The following KAT6A variants were observed in gnomAD, a reference collection of about 807,000 sequenced individuals.
The protein encoded by KAT6A is lysine acetyltransferase 6A.
A neutral mutation model predicts 198.4 loss-of-function variants in KAT6A; 9 were observed. That is an observed-to-expected ratio of 0.05 (90% CI 0.03 to 0.08). KAT6A has a LOEUF of 0.08. KAT6A is among the 10% of genes least tolerant of loss of function. KAT6A has a pLI of 1.00. For missense variants in KAT6A, 2,077 were observed against 2,509.9 expected, an observed-to-expected ratio of 0.83 and a Z score of 3.69; for synonymous variants, 890 against 883.0, an observed-to-expected ratio of 1.01 and a Z score of -0.14.
chr8:41,975,006 G>A (rs1459829045), intron 7 of KAT6A, among the ~76,000 whole-genome samples, 184 bp from the exon 8 acceptor site: 2 of 151,904 alleles, frequency 1.3e-5, no homozygotes, highest in East Asian at 1.9e-4. Flanking sequence ...GCCTTATAGT[G>A]GAAATCCTGA....
In KAT6A at chr8:41,940,388, C is replaced by CTAA. The variant is rs533335727; in HGVS notation, c.3039+453_3039+454insTTA. On this transcript the variant is annotated intron_variant, in intron 15 of 16. Coordinates refer to ENST00000265713, the MANE Select transcript of KAT6A (RefSeq NM_006766.5). ...AGCACCCAAGATGAGCTACTGTACTCTGAGTACCCCAAAATATAGGGCAGC... is the reference window on the plus strand; with the variant it reads ...AGCACCCAAGATGAGCTACTGTACTCTAATGAGTACCCCAAAATATAGGGCAGC... Among the ~76,000 whole-genome samples the CTAA allele has an allele frequency of 2.0e-4, 30 of 152,308 alleles. No homozygotes were observed. The East Asian group carries it at 4.8e-3, about 24-fold the overall frequency.
chr8:41,983,069 ACT>A (rs1824439406), intron 3 of KAT6A, among the ~76,000 whole-genome samples: 1 of 152,204 alleles, frequency 6.6e-6, no homozygotes, highest in Non-Finnish European at 1.5e-5. Flanking sequence ...CAGTATTTCT[ACT>A]GTGCTCAGAA....
intron 2 of KAT6A, among the ~76,000 whole-genome samples, chr8:42,020,456 C>T (rs1408631431): frequency 6.6e-6 from 1 of 152,152 alleles, no homozygotes; most frequent in African/African-American, 2.4e-5. Flanking sequence ...TATCAGCTCC[C>T]TGGACTTTCC....
At chr8:42,021,773 A>C (rs1453834486) in intron 2 of KAT6A, among the ~76,000 whole-genome samples, 4 of 152,200 alleles carry the variant, frequency 2.6e-5, no homozygotes, top group African/African-American at 9.7e-5. Flanking sequence ...TCTACTAAAA[A>C]TACAAAAATT....
At chr8:41,995,674 C>CTTTTT (rs10710765) in intron 2 of KAT6A, among the ~76,000 whole-genome samples, 79 of 103,016 alleles carry the variant, frequency 7.7e-4, no homozygotes, top group Non-Finnish European at 1.1e-3. Flanking sequence ...ATTTTCATTT[C>CTTTTT]TTTTTTTTTT....
chr8:41,942,542 A>G lies in KAT6A; in HGVS notation c.2436+251T>C, dbSNP rs1362875117. The G allele has an allele frequency of 1.3e-5, 6 of 466,920 alleles. No individual in the cohort carries two copies. In the Middle Eastern group the frequency reaches 1.7e-3, roughly 132 times the overall value. 28.9% of individuals were successfully genotyped at this position (466,920 alleles called of 1,614,324 possible). On this transcript the variant is annotated intron_variant, in intron 14 of 16. Coordinates refer to ENST00000265713, the MANE Select transcript of KAT6A (RefSeq NM_006766.5). ...TGAGCTGCTTCTTGGCACCCTGGTA[A>G]CAAATATTTTTCTCACAAGTAACAC...
At chr8:42,036,405 G>A (rs914994062) in intron 2 of KAT6A, among the ~76,000 whole-genome samples, 1 of 152,126 alleles carries the variant, frequency 6.6e-6, no homozygotes, top group Non-Finnish European at 1.5e-5. Flanking sequence ...GAGGTCAGGA[G>A]TTCAAGACCA....
intron 8 of KAT6A, among the ~76,000 whole-genome samples, chr8:41,959,683 C>T (rs192343820): frequency 5.3e-5 from 8 of 152,204 alleles, no homozygotes; most frequent in Non-Finnish European, 7.4e-5. Context: ...AATGGTTGGG[C>T]GCTGGTGGCT....
At position 41,947,761 on chromosome 8, in the gene KAT6A, T is replaced by A; in HGVS notation, c.1892A>T (p.Tyr631Phe). The change falls in exon 11 of 17, where the codon TAC (tyrosine) becomes TTC (phenylalanine). Residue 631 changes from tyrosine to phenylalanine, a missense_variant. This residue lies in a region of KAT6A where 127 missense variants were observed against 209.6 expected (regional missense o/e 0.61). Transcript: ENST00000265713. ...AGCTGACATACTTACCTTAGAAAAG[T>A]AGCCAACAAGGTGGCAGCCCTTGAC... ...NDVKGCHLVGYFSKEKHCQQK... is the reference protein window; with the variant it reads ...NDVKGCHLVGFFSKEKHCQQK... The A allele has an allele frequency of 6.3e-7, 1 of 1,590,310 alleles. No homozygotes were observed. Among genetic ancestry groups the A allele is most frequent in the Non-Finnish European group, 8.5e-7 (1 of 1,174,170 alleles).
intron 8 of KAT6A, among the ~76,000 whole-genome samples, chr8:41,961,371 CCCT>C (rs1823194568): frequency 1.3e-5 from 2 of 152,296 alleles, no homozygotes; most frequent in African/African-American, 4.8e-5. Flanking sequence ...CCAGCAGTTC[CCCT>C]CCTATCTTCT....
intron 2 of KAT6A, among the ~76,000 whole-genome samples, chr8:42,003,445 CTTTT>C (rs35594171): frequency 2.1e-5 from 3 of 142,892 alleles, no homozygotes; most frequent in African/African-American, 2.6e-5. Context: ...ATTCAAACCT[CTTTT>C]TTTTTTTTTT....
intron 2 of KAT6A, among the ~76,000 whole-genome samples, chr8:42,004,351 A>G (rs527476656): frequency 6.6e-6 from 1 of 152,216 alleles, no homozygotes; most frequent in Non-Finnish European, 1.5e-5. Context: ...GTAGGAGCAC[A>G]CTTATTTTTT....
At chr8:42,039,938 G>A (rs887609675) in intron 2 of KAT6A, among the ~76,000 whole-genome samples, 14 of 150,784 alleles carry the variant, frequency 9.3e-5, no homozygotes, top group East Asian at 3.9e-4. Context: ...TAGTGGAGAC[G>A]GGCTTTCACC....
Position 41,932,248 on chromosome 8 carries a change from C to A in KAT6A, c.5972G>T (p.Gly1991Val), listed in dbSNP as rs746592247. The A allele has an allele frequency of 3.1e-6, 5 of 1,613,174 alleles. No individual in the cohort carries two copies. The Admixed American group carries it at 8.3e-5, about 27-fold the overall frequency. ...TCCGTTGAGTGACTGCTTGGGCACG[C>A]CAGCAGCGTTCATGTAGCTGTGATG... ...PSHHSYMNAA[G>V]VPKQSLNGPY... is the part of the protein sequence containing the mutation. Residue 1991 changes from glycine to valine, a missense_variant, in exon 17 of 17, where the codon GGC becomes GTC. By Grantham distance (109) the Gly-to-Val change is moderately radical. Transcript: ENST00000265713.
chr8:41,965,179 G>A (rs1036921689), intron 8 of KAT6A, among the ~76,000 whole-genome samples: 2 of 152,188 alleles, frequency 1.3e-5, no homozygotes, highest in Non-Finnish European at 2.9e-5. Context: ...AATTGTGTCC[G>A]TGCTTCTGAG....
In KAT6A at chr8:41,947,931, CA is replaced by C. The variant is rs765116896; in HGVS notation, c.1741-20del. ...CATCAACCTAGAGAAATAAACAGAA[CA>C]AAACAGTCAGTAGAGGGTCTCTTTA... On this transcript the variant is annotated intron_variant, in intron 10 of 16. Transcript: ENST00000265713. 8.9e-6 allele frequency: 14 copies of C among 1,569,738 alleles called. No homozygotes were observed. The highest frequency in any genetic ancestry group is 3.4e-4 in the Middle Eastern group (2 of 5,856).
intron 2 of KAT6A, among the ~76,000 whole-genome samples, chr8:42,020,425 A>T (rs926971469): frequency 6.6e-6 from 1 of 152,204 alleles, no homozygotes; most frequent in Non-Finnish European, 1.5e-5. Flanking sequence ...TCTGTCAAAA[A>T]GCAATTTTTG....
rs985381068 is a variant in KAT6A, at chr8:41,941,506, T to C, written c.2437-62A>G. The C allele has an allele frequency of 1.1e-5, 17 of 1,483,334 alleles. No individual in the cohort carries two copies. The African/African-American group carries it at 2.2e-4, about 20-fold the overall frequency. 91.9% of individuals were successfully genotyped at this position (1,483,334 alleles called of 1,614,324 possible). A position where few individuals can be genotyped will look rare whatever the true frequency, so the allele number is the denominator to read the frequency against. ...TCAGTCTTGTTTGCTTACATTTACC[T>C]ATTCTGACCTTTTAAGTATTGAGAG... On this transcript the variant is annotated intron_variant, in intron 14 of 16. Coordinates refer to ENST00000265713, the MANE Select transcript of KAT6A (RefSeq NM_006766.5).
intron 12 of KAT6A, among the ~76,000 whole-genome samples, chr8:41,945,273 C>CT (rs566905953): frequency 0.014 from 1,982 of 139,426 alleles, 35 homozygotes; most frequent in African/African-American, 0.034. Flanking sequence ...AGGTATAGTA[C>CT]TTTTTTTTTT....
Sources: allele counts gnomAD v4.1 joint callset (sites outside exome capture counted in the v4.1 genomes callset), GRCh38; gene constraint gnomAD v4.1.1; regional missense constraint gnomAD v4.1.1; transcripts MANE v1.5; gene names NCBI Gene and HGNC (gene_info 2026-07-23, HGNC 2026-07-21).